The following ANKFN1 variants were observed in gnomAD, a reference collection of about 807,000 sequenced individuals.
The protein encoded by ANKFN1 is ankyrin repeat and fibronectin type III domain containing 1.
ANKFN1 carries 74 observed loss-of-function variants against 108.7 expected under a neutral mutation model. The ratio of observed to expected loss-of-function variants is 0.68; its 90% CI spans 0.56 to 0.83. ANKFN1 has a LOEUF of 0.83. Among genes scored for constraint, ANKFN1 ranks in the 40% least tolerant of loss-of-function variants. The pLI, the probability that ANKFN1 is intolerant of heterozygous loss-of-function variation, is 0.00. For synonymous variants in ANKFN1, 547 were observed against 516.2 expected (o/e 1.06, Z -0.81); for missense variants, 1,505 against 1,382.3 (o/e 1.09, Z -1.41).
intron 4 of ANKFN1, among the ~76,000 whole-genome samples, chr17:56,087,861 G>A (rs1355654434): frequency 6.6e-6 from 1 of 151,258 alleles, no homozygotes; most frequent in Non-Finnish European, 1.5e-5. Flanking sequence ...AGCCTGTATG[G>A]CCTACAAAGC....
intron 1 of ANKFN1, among the ~76,000 whole-genome samples, chr17:56,169,352 AC>A (rs1310389241): frequency 6.6e-6 from 1 of 152,086 alleles, no homozygotes; most frequent in Non-Finnish European, 1.5e-5. Context: ...GCTCACTATA[AC>A]CCTGAACTCC....
intron 4 of ANKFN1, among the ~76,000 whole-genome samples, chr17:56,128,098 T>G (rs1351069207): frequency 1.3e-5 from 2 of 152,186 alleles, no homozygotes; most frequent in African/African-American, 4.8e-5. Flanking sequence ...TCTGCTTTCA[T>G]AGGAGTTTGT....
chr17:56,057,747 C>T (rs761674240), intron 4 of ANKFN1, among the ~76,000 whole-genome samples: 5 of 151,454 alleles, frequency 3.3e-5, no homozygotes, highest in Non-Finnish European at 7.4e-5. Context: ...GATTGTGCCA[C>T]TGCCCTCAGC....
chr17:56,266,275 C>G (rs959395035), intron 3 of ANKFN1, among the ~76,000 whole-genome samples: 1 of 152,148 alleles, frequency 6.6e-6, no homozygotes, highest in Non-Finnish European at 1.5e-5. Context: ...TTTTACCTAC[C>G]TTTGAATCTA....
At chr17:56,055,600 C>CACATATAT (rs1567778636) in intron 4 of ANKFN1, among the ~76,000 whole-genome samples, 10 of 33,606 alleles carry the variant, frequency 3.0e-4, no homozygotes, top group African/African-American at 1.2e-3. Context: ...TATATATACA[C>CACATATAT]ATTTTTTTAT....
At position 56,208,212 on chromosome 17, in the gene ANKFN1, T is replaced by C. The variant is rs902469212; in HGVS notation, c.-70-4386T>C. Among the ~76,000 whole-genome samples, 4 of 152,142 alleles carry C rather than the reference T, an allele frequency of 2.6e-5. No individual in the cohort carries two copies. In the East Asian group the frequency reaches 7.7e-4, roughly 29 times the overall value. On this transcript the variant is annotated intron_variant, in intron 1 of 20. Transcript: ENST00000682825. ...TTTTAGTAGAGATGGGGTTTCACCA[T>C]GTTACCTGACCAACACCAGGCTGGT...
chr17:56,282,604 A>G (rs2144252585), intron 3 of ANKFN1, among the ~76,000 whole-genome samples: 1 of 152,342 alleles, frequency 6.6e-6, no homozygotes, highest in African/African-American at 2.4e-5. Context: ...CTAAACAATG[A>G]CATAGCTCTG....
chr17:56,477,590 G>A lies in ANKFN1; in HGVS notation c.1876G>A (p.Val626Ile). Residue 626 changes from valine to isoleucine, a missense_variant, in exon 16 of 21, where the codon GTT (valine) becomes ATT (isoleucine). Physicochemically the swap from Val to Ile is conservative, Grantham distance 29 (BLOSUM62 3). Coordinates refer to ENST00000682825, the MANE Select transcript of ANKFN1 (RefSeq NM_001370326.1). Reference protein sequence around the residue: ...CSSVDQIKVLVTQKLPNILCH... With the variant: ...CSSVDQIKVLITQKLPNILCH... ...CTCTGTGGATCAAATCAAAGTTCTT[G>A]TTACCCAAAAGTTGCCCAACATTCT... 1 of 1,612,268 alleles carries A rather than the reference G, an allele frequency of 6.2e-7. No homozygotes were observed. The highest frequency in any genetic ancestry group is 1.1e-5 in the South Asian group (1 of 91,026).
chr17:56,185,523 G>A (rs996197872), intron 1 of ANKFN1, among the ~76,000 whole-genome samples: 4 of 152,100 alleles, frequency 2.6e-5, no homozygotes, highest in African/African-American at 9.7e-5. Context: ...TCCAAAAATG[G>A]CCTACAAATA....
chr17:56,469,415 C>CCAAA (rs2050240208), intron 15 of ANKFN1, among the ~76,000 whole-genome samples: 1 of 152,018 alleles, frequency 6.6e-6, no homozygotes, highest in Non-Finnish European at 1.5e-5. Flanking sequence ...TTGGTGGTAC[C>CCAAA]CAAAGCAGGC....
intron 15 of ANKFN1, among the ~76,000 whole-genome samples, chr17:56,468,142 T>C (rs1290722736): frequency 6.6e-6 from 1 of 152,216 alleles, no homozygotes; most frequent in African/African-American, 2.4e-5. Flanking sequence ...TCAGATCTTC[T>C]GATTGCAAAT....
At chr17:56,439,620 A>G (rs1446727643) in intron 8 of ANKFN1, among the ~76,000 whole-genome samples, 1 of 152,138 alleles carries the variant, frequency 6.6e-6, no homozygotes, top group Admixed American at 6.6e-5. Flanking sequence ...AGAAGCTATC[A>G]AGGAGAAGAA....
intron 1 of ANKFN1, among the ~76,000 whole-genome samples, chr17:56,163,641 A>G (rs1337096587): frequency 6.6e-6 from 1 of 152,208 alleles, no homozygotes; most frequent in Non-Finnish European, 1.5e-5. Context: ...TACTCCTGAA[A>G]GTTTAGAGGT....
chr17:56,216,061 G>A (rs925955589), intron 2 of ANKFN1, among the ~76,000 whole-genome samples: 4 of 152,214 alleles, frequency 2.6e-5, no homozygotes, highest in Non-Finnish European at 5.9e-5. Flanking sequence ...TTTTAGAGCA[G>A]CATCAATTGA....
intron 1 of ANKFN1, among the ~76,000 whole-genome samples, chr17:56,169,184 G>T (rs754513325): frequency 6.6e-6 from 1 of 152,210 alleles, no homozygotes; most frequent in Non-Finnish European, 1.5e-5. Context: ...AGGCGCAGAG[G>T]AAGTGTGCAG....
intron 1 of ANKFN1, among the ~76,000 whole-genome samples, chr17:56,173,813 C>T (rs80079551): frequency 3.3e-5 from 5 of 152,176 alleles, no homozygotes; most frequent in African/African-American, 4.8e-5. Flanking sequence ...ACTCCTAGAA[C>T]AGTGCCTGGC....
chr17:56,291,341 A>G (rs1159134253), intron 3 of ANKFN1, among the ~76,000 whole-genome samples: 1 of 148,056 alleles, frequency 6.8e-6, no homozygotes, highest in Non-Finnish European at 1.5e-5. Context: ...TCACTCTTAG[A>G]AGACACTCTA....
chr17:56,202,749 G>C (rs552871970), intron 1 of ANKFN1, among the ~76,000 whole-genome samples: 1 of 152,102 alleles, frequency 6.6e-6, no homozygotes, highest in Non-Finnish European at 1.5e-5. Context: ...ATAATAGGGG[G>C]TAGATACCAT....
intron 1 of ANKFN1, among the ~76,000 whole-genome samples, chr17:56,190,136 AT>A (rs1190720539): frequency 1.6e-5 from 2 of 125,932 alleles, no homozygotes; most frequent in Non-Finnish European, 3.3e-5. Flanking sequence ...CGGTCTATCA[AT>A]TTTGTTGATC....
Sources: gnomAD v4.1 joint callset for allele counts (sites outside exome capture counted in the v4.1 genomes callset) on GRCh38, gnomAD v4.1.1 for gene constraint, MANE v1.5 for transcripts, NCBI Gene and HGNC (gene_info 2026-07-23, HGNC 2026-07-21) for gene names.